Variants in KMT2C observed in about 807,000 individuals in gnomAD.
The protein encoded by KMT2C is lysine methyltransferase 2C, also known as histone-lysine N-methyltransferase 2C.
A neutral mutation model predicts 507.9 loss-of-function variants in KMT2C; 88 were observed. The ratio of observed to expected loss-of-function variants is 0.17; its 90% confidence interval spans 0.15 to 0.21. The LOEUF is 0.21. KMT2C is among the 10% of genes least tolerant of loss of function. The pLI is 1.00. For synonymous variants in KMT2C, 2,049 were observed against 2,080.8 expected, an observed-to-expected ratio of 0.98 and a Z score of 0.42; for missense variants, 4,954 against 5,957.8, an observed-to-expected ratio of 0.83 and a Z score of 5.55.
intron 36 of KMT2C, among the ~76,000 whole-genome samples, chr7:152,180,505 C>A (rs1041519449): frequency 6.6e-6 from 1 of 152,066 alleles, no homozygotes; most frequent in African/African-American, 2.4e-5. Context: ...GATTCCCCTG[C>A]GAATTCGTGA....
At chr7:152,274,413 C>T (rs1455837817) in intron 6 of KMT2C, among the ~76,000 whole-genome samples, 3 of 152,090 alleles carry the variant, frequency 2.0e-5, no homozygotes, top group Non-Finnish European at 4.4e-5. Flanking sequence ...CTTCAAATTT[C>T]TTAACAAAAG....
intron 1 of KMT2C, among the ~76,000 whole-genome samples, chr7:152,362,773 T>C (rs2097207058): frequency 6.6e-6 from 1 of 152,218 alleles, no homozygotes; most frequent in African/African-American, 2.4e-5. Context: ...ATAATCTCTA[T>C]CAACATATCA....
Position 152,311,923 on chromosome 7 carries a change from A to G in KMT2C, c.614T>C (p.Ile205Thr), listed in dbSNP as rs1343528180. 4 of 1,605,586 alleles carry G rather than the reference A, an allele frequency of 2.5e-6. No individual in the cohort carries two copies. Among genetic ancestry groups the G allele is most frequent in the African/African-American group, 1.3e-5 (1 of 74,922 alleles). Residue 205 changes from isoleucine (I) to threonine (T), a missense_variant, in exon 5 of 59, where the codon ATA (isoleucine) becomes ACA (threonine). This residue lies in a region of KMT2C where 233 missense variants were observed against 263.6 expected (regional missense o/e 0.88). Transcript: ENST00000262189. Reference protein sequence around the residue: ...QRKERSPQQNIVSCVSVSTQT... With the variant: ...QRKERSPQQNTVSCVSVSTQT... ...GGTGCTTACACTTACACAAGATACTATATTCTGCTGAGGAGATCGTTCTCT... is the reference window on the plus strand; with the variant it reads ...GGTGCTTACACTTACACAAGATACTGTATTCTGCTGAGGAGATCGTTCTCT...
chr7:152,297,051 A>AGACAGAC (rs2096514603), intron 6 of KMT2C, among the ~76,000 whole-genome samples: 2 of 60,240 alleles, frequency 3.3e-5, no homozygotes, highest in African/African-American at 1.4e-4. Context: ...GAAAGAAAGA[A>AGACAGAC]AGACAGAGAG....
At chr7:152,334,080 A>G (rs2096909353) in intron 2 of KMT2C, among the ~76,000 whole-genome samples, 1 of 151,886 alleles carries the variant, frequency 6.6e-6, no homozygotes, top group Non-Finnish European at 1.5e-5. Context: ...TACAATTTGA[A>G]TCCCCCCCCA....
At chr7:152,262,050 A>T (rs13228319) in intron 9 of KMT2C, among the ~76,000 whole-genome samples, 20,870 of 151,824 alleles carry the variant, frequency 0.14, 3,781 homozygotes, top group African/African-American at 0.41. Context: ...AAGACCACAA[A>T]AGAACCTGGT....
chr7:152,149,909 C>T (rs564991346), intron 51 of KMT2C, among the ~76,000 whole-genome samples: 2 of 152,126 alleles, frequency 1.3e-5, no homozygotes, highest in African/African-American at 4.8e-5. Flanking sequence ...CCAACTTAAA[C>T]TATCTGGTGA....
chr7:152,297,645 A>G (rs2096528753), intron 6 of KMT2C, among the ~76,000 whole-genome samples: 2 of 152,220 alleles, frequency 1.3e-5, no homozygotes, highest in South Asian at 4.1e-4. Context: ...GCACTCCTTC[A>G]TATCTGTCTA....
Position 152,177,883 on chromosome 7 carries a change from T to C in KMT2C, c.7570A>G (p.Arg2524Gly). 6.2e-7 allele frequency: 1 copy of C among 1,613,620 alleles called. No individual in the cohort carries two copies. The highest frequency in any genetic ancestry group is 1.1e-5 in the South Asian group (1 of 91,060). ...TTCATTTGTGAGTTATTTAAAGGCC[T>C]AGGCATATCTACAGATACTGATCTT... The part of the protein sequence containing the change: ...LRRSVSVDMP[R>G]PLNNSQMNNP... Residue 2524 changes from arginine to glycine, a missense_variant, in exon 38 of 59, where the codon AGG (arginine) becomes GGG (glycine). Arg to Gly is a moderately radical substitution (Grantham distance 125, BLOSUM62 -2). Transcript: ENST00000262189.
chr7:152,193,697 C>A (rs2093877145), intron 31 of KMT2C, among the ~76,000 whole-genome samples: 1 of 152,128 alleles, frequency 6.6e-6, no homozygotes, highest in Non-Finnish European at 1.5e-5. Flanking sequence ...CACACACACA[C>A]ACAGCAAGTG....
At chr7:152,271,301 T>A (rs566832749) in intron 7 of KMT2C, among the ~76,000 whole-genome samples, 1 of 152,260 alleles carries the variant, frequency 6.6e-6, no homozygotes, top group South Asian at 2.1e-4. Flanking sequence ...TTAAATTATA[T>A]CCTTGGTACT....
At chr7:152,168,080 A>T (rs925119941) in intron 41 of KMT2C, among the ~76,000 whole-genome samples, 1 of 152,066 alleles carries the variant, frequency 6.6e-6, no homozygotes, top group Admixed American at 6.5e-5. Flanking sequence ...ATATCTCTTC[A>T]TTTTGTACCA....
intron 4 of KMT2C, 21 bp downstream of exon 4, chr7:152,315,117 T>A (rs2129202399): frequency 6.2e-7 from 1 of 1,600,010 alleles, no homozygotes; most frequent in African/African-American, 1.3e-5. Flanking sequence ...TATTCCAACA[T>A]TTAAAGTCGA....
Position 152,176,458 on chromosome 7 carries a change from T to C in KMT2C, c.8995A>G (p.Thr2999Ala), listed in dbSNP as rs546186900. The change falls in exon 38 of 59, where the codon ACA (threonine) becomes GCA (alanine). Residue 2999 changes from threonine (T) to alanine (A), a missense_variant. Coordinates refer to ENST00000262189, the MANE Select transcript of KMT2C (RefSeq NM_170606.3). ...VNPGLIPGQSTVNHSLGTGKP... is the reference protein window; with the variant it reads ...VNPGLIPGQSAVNHSLGTGKP... ...CCTGTCCCCAGACTGTGGTTAACTG[T>C]TGATTGACCTGGAATGAGCCCTGGG... is the stretch of plus-strand genomic sequence containing the variant. The C allele has an allele frequency of 1.7e-5, 28 of 1,614,162 alleles. No individual in the cohort carries two copies. The highest frequency in any genetic ancestry group is 1.6e-4 in the South Asian group (15 of 91,072).
At chr7:152,225,407 C>T (rs1563476084) in intron 18 of KMT2C, among the ~76,000 whole-genome samples, 1 of 152,102 alleles carries the variant, frequency 6.6e-6, no homozygotes, top group Non-Finnish European at 1.5e-5. Context: ...AAAGGAACAC[C>T]CATCAGAATG....
At chr7:152,178,223 C>T (rs2093297413) in intron 37 of KMT2C, among the ~76,000 whole-genome samples, 1 of 151,934 alleles carries the variant, frequency 6.6e-6, no homozygotes, top group South Asian at 2.1e-4. Context: ...TAATGAACAC[C>T]ATATCTGAGC....
chr7:152,424,807 G>C (rs1177551023), intron 1 of KMT2C, among the ~76,000 whole-genome samples: 1 of 152,144 alleles, frequency 6.6e-6, no homozygotes, highest in African/African-American at 2.4e-5. Context: ...AGGACACTGA[G>C]ATAGTTAAGC....
At chr7:152,385,560 C>T (rs1424743052) in intron 1 of KMT2C, among the ~76,000 whole-genome samples, 9 of 98,490 alleles carry the variant, frequency 9.1e-5, no homozygotes, top group Middle Eastern at 6.8e-3. Context: ...TGCAGTGAGC[C>T]GAGATCCCGC....
At chr7:152,325,993 C>A (rs1038265283) in intron 3 of KMT2C, among the ~76,000 whole-genome samples, 23 of 151,632 alleles carry the variant, frequency 1.5e-4, no homozygotes, top group Non-Finnish European at 3.2e-4. Flanking sequence ...TTTGTGATGC[C>A]CCTTTGTTAT....
Sources: gnomAD v4.1 joint callset for allele counts (sites outside exome capture counted in the v4.1 genomes callset) on GRCh38, gnomAD v4.1.1 for gene constraint, gnomAD v4.1.1 regional missense constraint, MANE v1.5 for transcripts, NCBI Gene and HGNC (gene_info 2026-07-23, HGNC 2026-07-21) for gene names.